Variants in SLC24A3 observed in about 807,000 individuals in gnomAD.
SLC24A3 encodes the protein solute carrier family 24 member 3.
A neutral mutation model predicts 75.8 loss-of-function variants in SLC24A3; 28 were observed. That is an observed-to-expected ratio of 0.37 (90% CI 0.27 to 0.51). The LOEUF is 0.51. Among genes scored for constraint, SLC24A3 ranks in the 20% least tolerant of loss-of-function variants. The pLI, the probability that SLC24A3 is intolerant of heterozygous loss-of-function variation, is 0.94. For missense variants in SLC24A3, 663 were observed against 847.8 expected (o/e 0.78, Z 2.71); for synonymous variants, 372 against 334.1 (o/e 1.11, Z -1.24).
chr20:19,668,297 T>C (rs991399741), intron 8 of SLC24A3, among the ~76,000 whole-genome samples: 1 of 152,210 alleles, frequency 6.6e-6, no homozygotes, highest in African/African-American at 2.4e-5. Flanking sequence ...AGTTTAAGAA[T>C]TTTTTACTGT....
At chr20:19,709,212 T>G (rs1008979592) in intron 15 of SLC24A3, among the ~76,000 whole-genome samples, 52 of 152,150 alleles carry the variant, frequency 3.4e-4, no homozygotes, top group African/African-American at 1.2e-3. Context: ...TCAGAGTCAC[T>G]GGTGGAGAAC....
At chr20:19,360,192 T>G (rs742821) in intron 2 of SLC24A3, among the ~76,000 whole-genome samples, 84,740 of 152,124 alleles carry the variant, frequency 0.56, 25,881 homozygotes, top group African/African-American at 0.82. Context: ...TCTTGGGTTT[T>G]GCTGATACCA....
rs183629143 is a variant in SLC24A3, at chr20:19,679,571, C to G, written c.768-2287C>G. Among the ~76,000 whole-genome samples the G allele has an allele frequency of 6.7e-4, 93 of 139,486 alleles. 1 individual carries two copies. In the South Asian group the frequency reaches 0.015, roughly 23 times the overall value. 91.5% of individuals were successfully genotyped at this position (139,486 alleles called of 152,430 possible). On this transcript the variant is annotated intron_variant, in intron 9 of 16. Transcript: ENST00000328041. ...AGGGAGAGGGAGAGGGAGAGGGAGACGGAGACGGAGACCGTGGGGAGAGGG... is the reference window on the plus strand; with the variant it reads ...AGGGAGAGGGAGAGGGAGAGGGAGAGGGAGACGGAGACCGTGGGGAGAGGG...
At chr20:19,489,950 G>A (rs1225550627) in intron 2 of SLC24A3, among the ~76,000 whole-genome samples, 4 of 152,148 alleles carry the variant, frequency 2.6e-5, no homozygotes, top group African/African-American at 9.7e-5. Flanking sequence ...TAGAGGCTCT[G>A]GGTAGGAGGA....
Position 19,693,266 on chromosome 20 carries a change from A to G in SLC24A3, c.1332A>G (p.Lys444=), listed in dbSNP as rs1195928453. The G allele has an allele frequency of 1.2e-6, 2 of 1,610,160 alleles. No homozygotes were observed. Among genetic ancestry groups the G allele is most frequent in the Non-Finnish European group, 1.7e-6 (2 of 1,178,482 alleles). The change falls in exon 13 of 17, where the codon AAA becomes AAG. Residue 444 remains lysine, a synonymous_variant. Transcript: ENST00000328041. ...CCTTTTTCATTTTTCCAGCGGGTAA[A>G]CTGGAAACAGTGAAATGGGCGTTCA... The part of the protein sequence containing the change: ...PYTPFDTPSG[K]LETVKWAFTW...
chr20:19,444,367 G>A (rs901972204), intron 2 of SLC24A3, among the ~76,000 whole-genome samples: 4 of 152,074 alleles, frequency 2.6e-5, no homozygotes, highest in Non-Finnish European at 2.9e-5. Flanking sequence ...AAGTATTCCC[G>A]CTGCTTCATC....
intron 2 of SLC24A3, among the ~76,000 whole-genome samples, chr20:19,339,901 A>G (rs925360961): frequency 6.6e-6 from 1 of 152,236 alleles, no homozygotes; most frequent in Non-Finnish European, 1.5e-5. Context: ...TATAATCTGC[A>G]AAAGAATTCC....
chr20:19,350,186 T>A (rs1426863489), intron 2 of SLC24A3, among the ~76,000 whole-genome samples: 1 of 152,208 alleles, frequency 6.6e-6, no homozygotes, highest in Non-Finnish European at 1.5e-5. Flanking sequence ...ATATGAATAA[T>A]GGGAAATAAC....
chr20:19,440,926 A>T (rs1987288137), intron 2 of SLC24A3, among the ~76,000 whole-genome samples: 1 of 152,012 alleles, frequency 6.6e-6, no homozygotes, highest in African/African-American at 2.4e-5. Flanking sequence ...ATCACATATG[A>T]GTGACAGGGG....
intron 5 of SLC24A3, 116 bp from the exon 6 acceptor site, chr20:19,585,325 T>C: frequency 9.8e-7 from 1 of 1,020,900 alleles, no homozygotes; most frequent in Non-Finnish European, 1.5e-6. Context: ...TCTCCACCCC[T>C]CAGCTGTTTC....
chr20:19,445,612 G>A (rs1408638895), intron 2 of SLC24A3, among the ~76,000 whole-genome samples: 1 of 152,198 alleles, frequency 6.6e-6, no homozygotes, highest in Non-Finnish European at 1.5e-5. Flanking sequence ...GGGAGGCAGC[G>A]TAGAGCACAC....
intron 8 of SLC24A3, among the ~76,000 whole-genome samples, chr20:19,666,873 A>T (rs1424612082): frequency 6.6e-6 from 1 of 152,234 alleles, no homozygotes; most frequent in Non-Finnish European, 1.5e-5. Flanking sequence ...ATGGGTTCTG[A>T]GCAAATCAAG....
At chr20:19,661,659 A>AT (rs1220465847) in intron 7 of SLC24A3, among the ~76,000 whole-genome samples, 4 of 152,202 alleles carry the variant, frequency 2.6e-5, no homozygotes, top group African/African-American at 7.2e-5. Context: ...AGTGATTACA[A>AT]TACATGCTAT....
At chr20:19,408,389 A>AC (rs1491056347) in intron 2 of SLC24A3, among the ~76,000 whole-genome samples, 1 of 149,012 alleles carries the variant, frequency 6.7e-6, no homozygotes, top group African/African-American at 2.5e-5. Context: ...CATTAAAAAT[A>AC]CTTTTTTTTT....
At chr20:19,517,275 T>C (rs911621271) in intron 3 of SLC24A3, among the ~76,000 whole-genome samples, 1 of 152,154 alleles carries the variant, frequency 6.6e-6, no homozygotes, top group Admixed American at 6.5e-5. Flanking sequence ...ACATCTGAGA[T>C]ATGAGATTTC....
At chr20:19,544,916 G>A (rs2030562485) in intron 3 of SLC24A3, among the ~76,000 whole-genome samples, 1 of 152,184 alleles carries the variant, frequency 6.6e-6, no homozygotes, top group Non-Finnish European at 1.5e-5. Flanking sequence ...TTTCTTATCG[G>A]AGCCAATAAG....
At chr20:19,576,563 G>A (rs2122628102) in intron 3 of SLC24A3, among the ~76,000 whole-genome samples, 1 of 152,270 alleles carries the variant, frequency 6.6e-6, no homozygotes, top group African/African-American at 2.4e-5. Flanking sequence ...CTATGTCAAA[G>A]GGTATCTGGT....
intron 6 of SLC24A3, among the ~76,000 whole-genome samples, chr20:19,626,386 T>C (rs2031866353): frequency 6.6e-6 from 1 of 152,236 alleles, no homozygotes; most frequent in African/African-American, 2.4e-5. Flanking sequence ...TGATGTAAGT[T>C]ACATATAGAG....
intron 6 of SLC24A3, among the ~76,000 whole-genome samples, chr20:19,631,789 A>AGTGTGT (rs1317875244): frequency 2.0e-5 from 2 of 98,526 alleles, no homozygotes; most frequent in East Asian, 2.8e-4. Flanking sequence ...TGTATGAGTG[A>AGTGTGT]GAGTGTGTGT....
Sources: allele counts gnomAD v4.1 joint callset (sites outside exome capture counted in the v4.1 genomes callset), GRCh38; gene constraint gnomAD v4.1.1; transcripts MANE v1.5; gene names NCBI Gene and HGNC (gene_info 2026-07-23, HGNC 2026-07-21).